Variants in PCCA observed in about 807,000 individuals in gnomAD.
PCCA encodes propionyl-CoA carboxylase alpha chain, mitochondrial.
Under a neutral mutation model 101.3 loss-of-function variants are expected in PCCA, and 74 were observed. The observed-to-expected ratio is 0.73, with a 90% CI of 0.61 to 0.89. The LOEUF is 0.89. PCCA is among the 40% of genes least tolerant of loss of function. The pLI is 0.00. For synonymous variants in PCCA, 294 were observed against 313.6 expected (o/e 0.94, Z 0.66); for missense variants, 891 against 907.0 (o/e 0.98, Z 0.23).
At position 100,518,807 on chromosome 13, in the gene PCCA, C is replaced by T. The variant is rs532016604; in HGVS notation, c.2040+3240C>T. Among the ~76,000 whole-genome samples, 41 of 152,294 alleles carry T rather than the reference C, an allele frequency of 2.7e-4. 1 individual carries two copies. The highest frequency in any genetic ancestry group is 7.9e-4 in the African/African-American group (33 of 41,550). The stretch of plus-strand genomic sequence containing the variant: ...GTTTGAAAACTCGTTTTCTTAGACT[C>T]GTAACACTATTGTAAACTGGGAGCA... On this transcript the variant is annotated intron_variant, in intron 22 of 23. Coordinates refer to ENST00000376285, the MANE Select transcript of PCCA (RefSeq NM_000282.4).
chr13:100,326,573 T>TTACA (rs1165499413), intron 16 of PCCA, among the ~76,000 whole-genome samples: 2 of 152,146 alleles, frequency 1.3e-5, no homozygotes, highest in African/African-American at 4.8e-5. Flanking sequence ...TTACAAAGTA[T>TTACA]ATTCATAAAG....
At chr13:100,133,041 A>G (rs2050711796) in intron 4 of PCCA, among the ~76,000 whole-genome samples, 1 of 152,106 alleles carries the variant, frequency 6.6e-6, no homozygotes, top group Non-Finnish European at 1.5e-5. Context: ...AGCCTCCCAA[A>G]CTGCTAGGAT....
chr13:100,439,963 T>C (rs544052911), intron 20 of PCCA, among the ~76,000 whole-genome samples: 3 of 151,970 alleles, frequency 2.0e-5, no homozygotes, highest in Non-Finnish European at 4.4e-5. Flanking sequence ...ATAAATTTAT[T>C]ATAAATAACA....
At chr13:100,339,805 G>T (rs1415857481) in intron 17 of PCCA, among the ~76,000 whole-genome samples, 2 of 152,192 alleles carry the variant, frequency 1.3e-5, no homozygotes, top group African/African-American at 4.8e-5. Context: ...GGGAAGCTGG[G>T]CTGGGAAAGG....
chr13:100,220,496 C>T (rs1034012233), intron 7 of PCCA, among the ~76,000 whole-genome samples: 6 of 149,512 alleles, frequency 4.0e-5, no homozygotes, highest in Non-Finnish European at 8.9e-5. Flanking sequence ...GTCTTGAACT[C>T]CTTACTTCAA....
At chr13:100,156,786 C>T (rs2053935563) in intron 5 of PCCA, among the ~76,000 whole-genome samples, 1 of 152,142 alleles carries the variant, frequency 6.6e-6, no homozygotes, top group Non-Finnish European at 1.5e-5. Flanking sequence ...TGTTAGCTGT[C>T]CTAGTAGTCT....
At chr13:100,338,730 G>A (rs1390288128) in intron 17 of PCCA, among the ~76,000 whole-genome samples, 2 of 148,634 alleles carry the variant, frequency 1.3e-5, no homozygotes, top group East Asian at 3.9e-4. Flanking sequence ...CCCAGAACCA[G>A]TTGGTAGATC....
At chr13:100,250,062 C>A (rs1380604120) in intron 8 of PCCA, among the ~76,000 whole-genome samples, 1 of 151,992 alleles carries the variant, frequency 6.6e-6, no homozygotes, top group African/African-American at 2.4e-5. Flanking sequence ...TCTTTATTTC[C>A]TTTTCTTAAC....
chr13:100,097,226 A>G (rs556398174), intron 1 of PCCA, among the ~76,000 whole-genome samples: 20 of 152,282 alleles, frequency 1.3e-4, no homozygotes, highest in African/African-American at 4.8e-4. Context: ...AAAGTAGATT[A>G]GTGGTTGCCC....
intron 21 of PCCA, among the ~76,000 whole-genome samples, chr13:100,497,320 G>A (rs1438636657): frequency 6.6e-6 from 1 of 152,180 alleles, no homozygotes; most frequent in South Asian, 2.1e-4. Context: ...ATATGAACAA[G>A]TTGTGCAAAT....
At position 100,262,778 on chromosome 13, in the gene PCCA, G is replaced by T; in HGVS notation, c.766G>T (p.Asp256Tyr). The T allele has an allele frequency of 1.3e-6, 2 of 1,575,888 alleles. No homozygotes were observed. Among genetic ancestry groups the T allele is most frequent in the South Asian group, 1.1e-5 (1 of 89,774 alleles). Residue 256 changes from aspartate (D) to tyrosine (Y), a missense_variant, in exon 10 of 24, where the codon GAT becomes TAT. Transcript: ENST00000376285. ...AGAAGCTGCTTCTAGTTTTGGCGAT[G>T]ATAGACTACTAATAGAAAAATTTAT... is the stretch of plus-strand genomic sequence containing the variant. ...SQEAASSFGDDRLLIEKFIDN... is the reference protein window; with the variant it reads ...SQEAASSFGDYRLLIEKFIDN...
chr13:100,289,907 C>G (rs2064997484), intron 12 of PCCA, among the ~76,000 whole-genome samples: 1 of 151,848 alleles, frequency 6.6e-6, no homozygotes, highest in South Asian at 2.1e-4. Context: ...AGATTTCTGC[C>G]CTAGTTCACT....
intron 19 of PCCA, among the ~76,000 whole-genome samples, chr13:100,424,031 C>T (rs771297083): frequency 6.6e-6 from 1 of 152,160 alleles, no homozygotes; most frequent in African/African-American, 2.4e-5. Context: ...GTGGATCCAA[C>T]CAACTGCAGA....
intron 20 of PCCA, among the ~76,000 whole-genome samples, chr13:100,426,811 T>C (rs2079175727): frequency 6.6e-6 from 1 of 152,126 alleles, no homozygotes; most frequent in South Asian, 2.1e-4. Context: ...TTATATAACT[T>C]TATATAATAT....
rs564083109 is a variant in PCCA, at chr13:100,452,279, C to A, written c.1899+2974C>A. Among the ~76,000 whole-genome samples the A allele has an allele frequency of 2.0e-5, 3 of 151,882 alleles. No individual in the cohort carries two copies. The East Asian group carries it at 5.9e-4, about 30-fold the overall frequency. ...CTCCCCTGTCTCTGTCTCTGTGTCC[C>A]CACGCCCCCCACTCCTGGCCCTGCC... On this transcript the variant is annotated intron_variant, in intron 21 of 23. Transcript: ENST00000376285.
intron 21 of PCCA, among the ~76,000 whole-genome samples, chr13:100,465,543 T>C (rs1358345810): frequency 1.3e-5 from 2 of 152,218 alleles, no homozygotes; most frequent in Non-Finnish European, 2.9e-5. Flanking sequence ...TTATTTCAAG[T>C]CTTATAGACA....
intron 21 of PCCA, chr13:100,473,146 C>T (rs1445560779): frequency 6.6e-6 from 1 of 152,190 alleles, no homozygotes; most frequent in East Asian, 1.9e-4. Flanking sequence ...ATGTGGTAAT[C>T]AGAGCAAACG....
At chr13:100,343,263 A>G (rs556791584) in intron 18 of PCCA, among the ~76,000 whole-genome samples, 1 of 152,312 alleles carries the variant, frequency 6.6e-6, no homozygotes, top group Admixed American at 6.5e-5. Flanking sequence ...TAGACTTTTT[A>G]TCAGAGAAGA....
At chr13:100,165,334 C>T (rs1432622380) in intron 6 of PCCA, among the ~76,000 whole-genome samples, 2 of 152,154 alleles carry the variant, frequency 1.3e-5, no homozygotes, top group African/African-American at 4.8e-5. Context: ...TTCCTTAATG[C>T]AAGCTCTGGG....
Sources: allele counts gnomAD v4.1 joint callset (sites outside exome capture counted in the v4.1 genomes callset), GRCh38; gene constraint gnomAD v4.1.1; transcripts MANE v1.5; gene names NCBI Gene and HGNC (gene_info 2026-07-23, HGNC 2026-07-21).